Variants in LIFR observed in about 807,000 individuals in gnomAD.
LIFR encodes leukemia inhibitory factor receptor.
Under a neutral mutation model 122.2 loss-of-function variants are expected in LIFR, and 84 were observed. That is an observed-to-expected ratio of 0.69 (90% CI 0.58 to 0.82). The LOEUF (loss-of-function observed/expected upper bound fraction) is 0.82, where lower values mean the gene tolerates loss of function less well. Among genes scored for constraint, LIFR ranks in the 40% least tolerant of loss-of-function variants. The probability of loss-of-function intolerance (pLI) is 0.00; values close to 1 mark genes in which losing one functional copy is unlikely to be tolerated. For missense variants in LIFR, 1,294 were observed against 1,311.6 expected (o/e 0.99, Z 0.21); for synonymous variants, 422 against 434.7 (o/e 0.97, Z 0.36).
At chr5:38,500,630 G>A (rs2112448396) in intron 11 of LIFR, among the ~76,000 whole-genome samples, 1 of 152,320 alleles carries the variant, frequency 6.6e-6, no homozygotes, top group East Asian at 1.9e-4. Flanking sequence ...GATTACGTAT[G>A]TTCAATCTGT....
rs529625236 is a variant in LIFR at position 38,530,554 on chromosome 5, T to C, written c.94A>G (p.Thr32Ala). The change falls in exon 2 of 20, where the codon ACA (threonine) becomes GCA (alanine). Residue 32 changes from threonine to alanine, a missense_variant. Thr to Ala is a moderately conservative substitution (Grantham distance 58, BLOSUM62 0). Transcript: ENST00000453190. ...TASNFQWLLS[T>A]FILLYLMNQV... The stretch of plus-strand genomic sequence containing the variant: ...TTCATTAGATATAGAAGAATAAATG[T>C]TGATAACAGCCACTGGAAATTTGAA... 122 of 1,613,242 alleles carry C rather than the reference T, an allele frequency of 7.6e-5. No homozygotes were observed. The South Asian group carries it at 1.2e-3, about 16-fold the overall frequency.
intron 3 of LIFR, among the ~76,000 whole-genome samples, chr5:38,528,262 A>T (rs1174625945): frequency 6.6e-6 from 1 of 152,116 alleles, no homozygotes; most frequent in Non-Finnish European, 1.5e-5. Context: ...CTTGCACAAA[A>T]ACCACAGCCT....
At chr5:38,567,114 A>AT (rs568877174) in intron 1 of LIFR, among the ~76,000 whole-genome samples, 2 of 152,088 alleles carry the variant, frequency 1.3e-5, no homozygotes, top group East Asian at 1.9e-4. Context: ...AATTCCTTTG[A>AT]TTTTTTTAAA....
intron 1 of LIFR, among the ~76,000 whole-genome samples, chr5:38,574,435 A>G (rs534936950): frequency 5.9e-5 from 9 of 152,302 alleles, no homozygotes; most frequent in Middle Eastern, 3.4e-3. Context: ...ATTGTTTACC[A>G]TGGGTATTCC....
chr5:38,586,446 A>G (rs1162741127), intron 1 of LIFR, among the ~76,000 whole-genome samples: 2 of 152,264 alleles, frequency 1.3e-5, no homozygotes, highest in African/African-American at 2.4e-5. Context: ...TGAAAATCCT[A>G]CCTCAGAATT....
chr5:38,487,230 T>C (rs1460953531), intron 16 of LIFR, among the ~76,000 whole-genome samples: 2 of 152,218 alleles, frequency 1.3e-5, no homozygotes, highest in South Asian at 2.1e-4. Flanking sequence ...ACTCTTCTAG[T>C]AGCTTCTTGA....
intron 1 of LIFR, among the ~76,000 whole-genome samples, chr5:38,569,672 C>T (rs1357822773): frequency 2.6e-5 from 4 of 152,106 alleles, no homozygotes; most frequent in Middle Eastern, 3.2e-3. Flanking sequence ...GTTTGGGGAC[C>T]GCTGCCCTAC....
At chr5:38,519,088 A>G (rs921620240) in intron 5 of LIFR, among the ~76,000 whole-genome samples, 4 of 152,158 alleles carry the variant, frequency 2.6e-5, no homozygotes, top group African/African-American at 9.7e-5. Flanking sequence ...GAGTCAAAAT[A>G]TTTTTTAAAA....
intron 1 of LIFR, among the ~76,000 whole-genome samples, chr5:38,569,451 C>G (rs112566780): frequency 0.022 from 3,367 of 152,146 alleles, 123 homozygotes; most frequent in African/African-American, 0.076. Flanking sequence ...GCTCCACCTC[C>G]TGTCAGATCA....
At position 38,479,741 on chromosome 5, in the gene LIFR, G is replaced by A. The variant is rs886060619; in HGVS notation, c.*1854C>T. 2 of 231,746 alleles carry A rather than the reference G, an allele frequency of 8.6e-6. No individual in the cohort carries two copies. Among genetic ancestry groups the A allele is most frequent in the Non-Finnish European group, 1.7e-5 (2 of 117,094 alleles). 14.4% of individuals were successfully genotyped at this position (231,746 alleles called of 1,614,324 possible). On this transcript the variant is annotated 3_prime_UTR_variant, in exon 20 of 20. Transcript: ENST00000453190. ...GAAGGCAGCCCCAGGTCTGATGTCT[G>A]GGGTGGAAGCTAAGGGAAGGAGCCA...
At chr5:38,499,749 T>C (rs574242398) in intron 11 of LIFR, among the ~76,000 whole-genome samples, 166 bp from the exon 12 acceptor site, 4 of 152,264 alleles carry the variant, frequency 2.6e-5, no homozygotes, top group South Asian at 4.2e-4. Context: ...TCAACAACTT[T>C]TGCAAAACAC....
intron 1 of LIFR, among the ~76,000 whole-genome samples, chr5:38,592,557 T>G (rs935849823): frequency 9.3e-5 from 14 of 150,654 alleles, no homozygotes; most frequent in African/African-American, 3.2e-4. Context: ...CTCAGGAGGC[T>G]GAGGCACAAG....
At chr5:38,547,595 T>G (rs926266305) in intron 1 of LIFR, among the ~76,000 whole-genome samples, 2 of 152,176 alleles carry the variant, frequency 1.3e-5, no homozygotes, top group Non-Finnish European at 2.9e-5. Context: ...TCAAAATATT[T>G]AGAACAGTTG....
At chr5:38,542,547 G>C (rs1286781332) in intron 1 of LIFR, among the ~76,000 whole-genome samples, 1 of 152,112 alleles carries the variant, frequency 6.6e-6, no homozygotes, top group African/African-American at 2.4e-5. Flanking sequence ...CACAAATTCA[G>C]TTTTGTATGC....
intron 5 of LIFR, among the ~76,000 whole-genome samples, chr5:38,516,681 A>G (rs1412751216): frequency 6.6e-6 from 1 of 152,170 alleles, no homozygotes; most frequent in Non-Finnish European, 1.5e-5. Context: ...CAGAAATACC[A>G]TTTGACCCAG....
At chr5:38,550,144 T>G (rs1296031454) in intron 1 of LIFR, 1 of 416,660 alleles carries the variant, frequency 2.4e-6, no homozygotes, top group Admixed American at 6.4e-5. Flanking sequence ...AAAATTGCCC[T>G]CCTGTAAAGT....
At chr5:38,590,465 A>G (rs1313696199) in intron 1 of LIFR, among the ~76,000 whole-genome samples, 19 of 152,238 alleles carry the variant, frequency 1.2e-4, no homozygotes, top group Admixed American at 1.2e-3. Flanking sequence ...TGCCTGGCAT[A>G]ACATGGAAAG....
upstream of LIFR, among the ~76,000 whole-genome samples, chr5:38,560,585 G>C (rs1478005862): frequency 6.7e-6 from 1 of 149,958 alleles, no homozygotes; most frequent in Non-Finnish European, 1.5e-5. Context: ...GTTTTGTTTT[G>C]TTTTGTTTTG....
At chr5:38,512,693 T>G (rs1024724464) in intron 5 of LIFR, among the ~76,000 whole-genome samples, 3 of 151,968 alleles carry the variant, frequency 2.0e-5, no homozygotes, top group Non-Finnish European at 2.9e-5. Context: ...TCTGAAATGC[T>G]CCAGTGAGCA....
Sources: gnomAD v4.1 joint callset for allele counts (sites outside exome capture counted in the v4.1 genomes callset) on GRCh38, gnomAD v4.1.1 for gene constraint, MANE v1.5 for transcripts, NCBI Gene and HGNC (gene_info 2026-07-23, HGNC 2026-07-21) for gene names.